Variants in RFTN2 observed in about 807,000 individuals in gnomAD.
RFTN2 encodes the protein raftlin family member 2.
In RFTN2, 34 loss-of-function variants were observed where a neutral mutation model predicts 52.7. That is an observed-to-expected ratio of 0.64 (90% CI 0.49 to 0.86). The LOEUF (loss-of-function observed/expected upper bound fraction) is 0.86, where lower values mean the gene tolerates loss of function less well. RFTN2 is among the 40% of genes least tolerant of loss of function. RFTN2 has a pLI of 0.00. For missense variants in RFTN2, 536 were observed against 600.1 expected, an observed-to-expected ratio of 0.89 and a Z score of 1.12; for synonymous variants, 203 against 217.7, an observed-to-expected ratio of 0.93 and a Z score of 0.59.
intron 3 of RFTN2, among the ~76,000 whole-genome samples, chr2:197,638,969 T>C (rs2088614891): frequency 1.3e-5 from 2 of 150,398 alleles, no homozygotes; most frequent in African/African-American, 2.4e-5. Context: ...TGCTTGTCTG[T>C]AAAGTATTTT....
intron 8 of RFTN2, among the ~76,000 whole-genome samples, chr2:197,579,268 TG>T: frequency 6.6e-6 from 1 of 152,248 alleles, no homozygotes; most frequent in African/African-American, 2.4e-5. Flanking sequence ...CCACCTTGCC[TG>T]GGGGGCAATT....
chr2:197,608,752 AG>A (rs1406013912), intron 7 of RFTN2, among the ~76,000 whole-genome samples: 2 of 150,298 alleles, frequency 1.3e-5, no homozygotes, highest in East Asian at 3.9e-4. Context: ...CATTTACATT[AG>A]GTATTTCTCC....
intron 5 of RFTN2, among the ~76,000 whole-genome samples, chr2:197,623,548 A>G (rs1275522001): frequency 2.0e-5 from 3 of 151,824 alleles, no homozygotes; most frequent in African/African-American, 7.3e-5. Context: ...GCACGATCTC[A>G]GCTCACTGCA....
At chr2:197,659,421 G>C (rs1203585560) in intron 1 of RFTN2, among the ~76,000 whole-genome samples, 2 of 148,748 alleles carry the variant, frequency 1.3e-5, no homozygotes, top group African/African-American at 5.0e-5. Context: ...AGGTTGCAGT[G>C]AGCCGAGACC....
intron 7 of RFTN2, among the ~76,000 whole-genome samples, chr2:197,611,286 C>G (rs780680089): frequency 1.8e-4 from 28 of 152,168 alleles, no homozygotes; most frequent in Non-Finnish European, 3.2e-4. Flanking sequence ...GCCTCAATTT[C>G]AGAACCTGTT....
chr2:197,577,179 G>C (rs2087432391), intron 8 of RFTN2, among the ~76,000 whole-genome samples: 1 of 152,208 alleles, frequency 6.6e-6, no homozygotes, highest in African/African-American at 2.4e-5. Context: ...AAACCAAACT[G>C]TGCTCTGACA....
chr2:197,617,872 T>C lies in RFTN2; in HGVS notation c.978A>G (p.Glu326=), dbSNP rs747672437. The C allele has an allele frequency of 6.8e-6, 11 of 1,608,968 alleles. No individual in the cohort carries two copies. Among genetic ancestry groups the C allele is most frequent in the Non-Finnish European group, 9.4e-6 (11 of 1,176,434 alleles). The part of the protein sequence containing the change: ...SLEGFFIYEE[E]GSGVPGSSRK... ...TACTAGAACCTGGAACTCCAGAACC[T>C]TCTTCTTCATAGATAAAAAATCCTT... The change falls in exon 6 of 9, where the codon GAA becomes GAG. Residue 326 remains glutamate, a synonymous_variant. Transcript: ENST00000295049.
chr2:197,630,275 C>T (rs1396387627), intron 5 of RFTN2, among the ~76,000 whole-genome samples: 1 of 152,080 alleles, frequency 6.6e-6, no homozygotes, highest in Non-Finnish European at 1.5e-5. Flanking sequence ...TCATTCTTTC[C>T]TCTAACCTCA....
chr2:197,618,743 G>A (rs1459380530), intron 5 of RFTN2, among the ~76,000 whole-genome samples: 266 of 150,520 alleles, frequency 1.8e-3, no homozygotes, highest in Middle Eastern at 3.5e-3. Context: ...CTGCCGCCCC[G>A]TCCGGGATGT....
intron 1 of RFTN2, among the ~76,000 whole-genome samples, chr2:197,674,239 C>T (rs1267451413): frequency 6.7e-6 from 1 of 148,896 alleles, no homozygotes; most frequent in Non-Finnish European, 1.5e-5. Context: ...TTGTGTATGT[C>T]CCTGGAAGGG....
rs1280362487 is a variant in RFTN2 at position 197,570,250 on chromosome 2, G to C, written c.*1758C>G. The C allele has an allele frequency of 6.6e-6, 1 of 152,128 alleles. No homozygotes were observed. The highest frequency in any genetic ancestry group is 1.5e-5 in the Non-Finnish European group (1 of 68,028). The allele number at this position is 152,128 out of a possible 1,614,324, so 9.4% of individuals were successfully genotyped here. The stretch of plus-strand genomic sequence containing the variant: ...AACAAAAACCATTTCTGCAAATATT[G>C]TTGACAGCTATTGCTATAGAATAAG... On this transcript the variant is annotated 3_prime_UTR_variant, in exon 9 of 9. Coordinates refer to ENST00000295049, the MANE Select transcript of RFTN2 (RefSeq NM_144629.3).
At chr2:197,645,563 A>T (rs928190220) in intron 2 of RFTN2, among the ~76,000 whole-genome samples, 3 of 152,234 alleles carry the variant, frequency 2.0e-5, no homozygotes, top group African/African-American at 7.2e-5. Flanking sequence ...AAACTATCAA[A>T]TTTACAATCT....
chr2:197,661,623 T>C (rs1440891193), intron 1 of RFTN2, among the ~76,000 whole-genome samples: 3 of 152,182 alleles, frequency 2.0e-5, no homozygotes, highest in South Asian at 2.1e-4. Flanking sequence ...CCCTTTGATA[T>C]ACTGATTTCT....
At position 197,622,847 on chromosome 2, in the gene RFTN2, A is replaced by G. The variant is rs532034530; in HGVS notation, c.929-4926T>C. Among the ~76,000 whole-genome samples, 310 of 152,350 alleles carry G rather than the reference A, an allele frequency of 2.0e-3. 1 individual carries two copies. The highest frequency in any genetic ancestry group is 3.7e-3 in the Non-Finnish European group (252 of 68,032). On this transcript the variant is annotated intron_variant, in intron 5 of 8. Transcript: ENST00000295049. ...AATCTACTCTGCCTGTGATCTAGAC[A>G]TGGAAAACAAAGGCTGGATGACAGC...
chr2:197,629,146 G>A (rs545995681), intron 5 of RFTN2, among the ~76,000 whole-genome samples: 6 of 152,250 alleles, frequency 3.9e-5, no homozygotes, highest in East Asian at 3.9e-4. Context: ...ACACGTACAC[G>A]TATGTTTATT....
intron 5 of RFTN2, among the ~76,000 whole-genome samples, chr2:197,620,282 C>T (rs764457797): frequency 3.9e-5 from 6 of 151,970 alleles, no homozygotes; most frequent in Admixed American, 6.6e-5. Flanking sequence ...AAGGGAGGGC[C>T]TCTCTGACTT....
intron 1 of RFTN2, among the ~76,000 whole-genome samples, chr2:197,649,898 T>C (rs1375500785): frequency 6.6e-6 from 1 of 152,250 alleles, no homozygotes; most frequent in Non-Finnish European, 1.5e-5. Flanking sequence ...TTCTGTATTT[T>C]TACCAGATAC....
chr2:197,620,073 A>G (rs2106217298), intron 5 of RFTN2, among the ~76,000 whole-genome samples: 1 of 152,192 alleles, frequency 6.6e-6, no homozygotes, highest in Non-Finnish European at 1.5e-5. Flanking sequence ...CATTAAGAGA[A>G]ACAGCATAAA....
chr2:197,658,531 C>G lies in RFTN2; in HGVS notation c.140-11865G>C, dbSNP rs537854898. ...TGAACTCCTGGACTCAGGCTATCCT[C>G]GTTCCTAGACTTTCCAAAGTTCTGG... On this transcript the variant is annotated intron_variant, in intron 1 of 8. Transcript: ENST00000295049. 3.9e-4 allele frequency among the ~76,000 whole-genome samples: 59 copies of G among 151,744 alleles called. 1 individual carries two copies. Among genetic ancestry groups the G allele is most frequent in the Non-Finnish European group, 7.6e-4 (52 of 67,996 alleles).
Sources: gnomAD v4.1 joint callset for allele counts (sites outside exome capture counted in the v4.1 genomes callset) on GRCh38, gnomAD v4.1.1 for gene constraint, MANE v1.5 for transcripts, NCBI Gene and HGNC (gene_info 2026-07-23, HGNC 2026-07-21) for gene names.